Variants in ATE1 observed in about 807,000 individuals in gnomAD.
The protein encoded by ATE1 is arginyl-tRNA--protein transferase 1.
A neutral mutation model predicts 70.5 loss-of-function variants in ATE1; 36 were observed. The observed-to-expected ratio is 0.51, with a 90% CI of 0.39 to 0.67. The LOEUF is 0.67. Ranked by LOEUF, ATE1 falls within the 30% of genes least tolerant of loss-of-function variation. The pLI, the probability that ATE1 is intolerant of heterozygous loss-of-function variation, is 0.00. For synonymous variants in ATE1, 232 were observed against 219.3 expected, an observed-to-expected ratio of 1.06 and a Z score of -0.51; for missense variants, 593 against 629.5, an observed-to-expected ratio of 0.94 and a Z score of 0.62.
chr10:121,904,576 G>A (rs1393374040), intron 5 of ATE1, among the ~76,000 whole-genome samples: 4 of 148,004 alleles, frequency 2.7e-5, no homozygotes, highest in African/African-American at 9.9e-5. Context: ...AGTAGGTGGA[G>A]GTTGCAGTGA....
intron 8 of ATE1, among the ~76,000 whole-genome samples, chr10:121,853,361 CAAAAA>C (rs386372688): frequency 1.4e-5 from 1 of 69,130 alleles, no homozygotes; most frequent in Admixed American, 1.5e-4. Flanking sequence ...GACTCTGTCT[CAAAAA>C]AAAAAAAAAA....
chr10:121,899,341 C>A (rs1479733651), intron 7 of ATE1, among the ~76,000 whole-genome samples: 1 of 152,106 alleles, frequency 6.6e-6, no homozygotes, highest in Non-Finnish European at 1.5e-5. Context: ...TTTCTTGGGT[C>A]ATTTAACTTA....
At chr10:121,780,063 G>A (rs1179065715) in intron 11 of ATE1, among the ~76,000 whole-genome samples, 1 of 152,066 alleles carries the variant, frequency 6.6e-6, no homozygotes, top group South Asian at 2.1e-4. Context: ...CTCACTCTTA[G>A]GGCTGCCACT....
intron 1 of ATE1, among the ~76,000 whole-genome samples, chr10:121,925,439 A>AG (rs1554938455): frequency 6.6e-5 from 10 of 151,818 alleles, no homozygotes; most frequent in East Asian, 3.8e-4. Context: ...AAAAAAAAAA[A>AG]AAAGAAAGAA....
chr10:121,774,273 T>C (rs1358309089), intron 11 of ATE1, among the ~76,000 whole-genome samples: 1 of 152,196 alleles, frequency 6.6e-6, no homozygotes, highest in Non-Finnish European at 1.5e-5. Flanking sequence ...TTTAAATGAT[T>C]ATGCAAATTT....
At chr10:121,887,783 T>A (rs1330707183) in intron 7 of ATE1, among the ~76,000 whole-genome samples, 1 of 152,158 alleles carries the variant, frequency 6.6e-6, no homozygotes, top group African/African-American at 2.4e-5. Context: ...GCCATGAGCC[T>A]ACAATGCTAT....
chr10:121,903,764 T>C (rs181179578), intron 5 of ATE1, among the ~76,000 whole-genome samples: 4 of 152,220 alleles, frequency 2.6e-5, no homozygotes, highest in Admixed American at 2.6e-4. Context: ...TTGGGTCTCA[T>C]TAGTTCAGCT....
In ATE1 at chr10:121,927,988, G is replaced by A; in HGVS notation, c.-39C>T. The A allele has an allele frequency of 2.1e-6, 3 of 1,433,100 alleles. No individual in the cohort carries two copies. The highest frequency in any genetic ancestry group is 2.9e-5 in the South Asian group (2 of 69,394). 88.8% of individuals were successfully genotyped at this position (1,433,100 alleles called of 1,614,324 possible). On this transcript the variant is annotated 5_prime_UTR_variant, in exon 1 of 12. It adds an upstream start codon to the 5' untranslated region. Transcript: ENST00000224652. ...CGAACGCTCAGCCGCCCGGCCCCGC[G>A]TCGCTAGCGCGGCCGCCGCCGCCAC...
chr10:121,775,419 A>G (rs7071924), intron 11 of ATE1, among the ~76,000 whole-genome samples: 143,570 of 152,090 alleles, frequency 0.94, 67,994 homozygotes, highest in Non-Finnish European at 0.98. Flanking sequence ...CCACGGTGGC[A>G]CATGTATAAC....
intron 6 of ATE1, among the ~76,000 whole-genome samples, chr10:121,900,514 A>G (rs912862038): frequency 6.6e-6 from 1 of 152,220 alleles, no homozygotes; most frequent in Non-Finnish European, 1.5e-5. Context: ...CCTTTGTTCA[A>G]ATCTTACAAT....
intron 10 of ATE1, among the ~76,000 whole-genome samples, chr10:121,817,252 G>A (rs1947579821): frequency 1.3e-5 from 2 of 152,164 alleles, no homozygotes; most frequent in African/African-American, 4.8e-5. Flanking sequence ...TTAAAAACAT[G>A]AGTTCAGGCC....
At chr10:121,927,196 T>C in intron 1 of ATE1, 1 of 985,450 alleles carries the variant, frequency 1.0e-6, no homozygotes, top group Non-Finnish European at 1.2e-6. Context: ...AACAAACTTG[T>C]GGGCTGGCTT....
At chr10:121,913,747 C>G (rs1951534926) in intron 4 of ATE1, 43 bp downstream of exon 4, 1 of 1,400,774 alleles carries the variant, frequency 7.1e-7, no homozygotes, top group East Asian at 2.3e-5. Context: ...GGGACCGTTG[C>G]AAAGACAGAT....
chr10:121,789,010 G>C, intron 11 of ATE1, among the ~76,000 whole-genome samples: 1 of 152,190 alleles, frequency 6.6e-6, no homozygotes, highest in East Asian at 1.9e-4. Context: ...TTTGCAGAGA[G>C]GGATCACAGT....
chr10:121,909,415 A>G (rs1159795867), intron 5 of ATE1, among the ~76,000 whole-genome samples: 1 of 152,212 alleles, frequency 6.6e-6, no homozygotes, highest in East Asian at 1.9e-4. Context: ...TTCTTCAAGT[A>G]TAATAATGGT....
chr10:121,928,223 A>G (rs1173174665), upstream of ATE1: 1 of 1,334,594 alleles, frequency 7.5e-7, no homozygotes, highest in African/African-American at 1.5e-5. Context: ...GGGAAGGGAA[A>G]CAGGATGGGG....
intron 10 of ATE1, among the ~76,000 whole-genome samples, chr10:121,808,040 C>T (rs1947168688): frequency 6.6e-6 from 1 of 151,966 alleles, no homozygotes; most frequent in African/African-American, 2.4e-5. Context: ...TGCCGATTTC[C>T]AGGAGACAAT....
chr10:121,892,241 G>A (rs1000595860), intron 7 of ATE1, among the ~76,000 whole-genome samples: 13 of 152,070 alleles, frequency 8.5e-5, no homozygotes, highest in African/African-American at 3.1e-4. Flanking sequence ...AAACACGACC[G>A]GTGAAGAATC....
At chr10:121,840,862 A>T (rs1948602222) in intron 9 of ATE1, among the ~76,000 whole-genome samples, 1 of 150,790 alleles carries the variant, frequency 6.6e-6, no homozygotes, top group South Asian at 2.1e-4. Flanking sequence ...GAAAATTACA[A>T]ATTATATATA....
Sources: allele counts gnomAD v4.1 joint callset (sites outside exome capture counted in the v4.1 genomes callset), GRCh38; gene constraint gnomAD v4.1.1; transcripts MANE v1.5; gene names NCBI Gene and HGNC (gene_info 2026-07-23, HGNC 2026-07-21).